Variants in ANGPTL2 observed in about 807,000 individuals in gnomAD.
ANGPTL2 encodes angiopoietin-related protein 2.
In ANGPTL2, 25 loss-of-function variants were observed where a neutral mutation model predicts 52.8. The ratio of observed to expected loss-of-function variants is 0.47; its 90% CI spans 0.35 to 0.66. The LOEUF (loss-of-function observed/expected upper bound fraction) is 0.66. Ranked by LOEUF, ANGPTL2 falls within the 30% of genes least tolerant of loss-of-function variation. The pLI, the probability that ANGPTL2 is intolerant of heterozygous loss-of-function variation, is 0.01. For missense variants in ANGPTL2, 546 were observed against 656.9 expected, an observed-to-expected ratio of 0.83 and a Z score of 1.84; for synonymous variants, 276 against 277.4, an observed-to-expected ratio of 1.00 and a Z score of 0.05.
chr9:127,092,050 G>A, intron 3 of ANGPTL2, 110 bp from the exon 4 acceptor site: 1 of 1,364,158 alleles, frequency 7.3e-7, no homozygotes. Context: ...AACAAGCAGA[G>A]CATGAAGCAG....
chr9:127,094,303 C>T (rs963750531), intron 2 of ANGPTL2, among the ~76,000 whole-genome samples: 2 of 152,072 alleles, frequency 1.3e-5, no homozygotes, highest in Non-Finnish European at 1.5e-5. Context: ...TGATCTTTTT[C>T]GTGTTCATTA....
Position 127,108,390 on chromosome 9 carries a change from G to A in ANGPTL2, c.342C>T (p.Gly114=), listed in dbSNP as rs201208688. Residue 114 remains glycine (G), a synonymous_variant, in exon 2 of 5, where the codon GGC becomes GGT. Transcript: ENST00000373425. The part of the protein sequence containing the change: ...ETLQQLVEVD[G]GIVSEVKLLR... ...GCAGCTTCACCTCGCTCACAATGCC[G>A]CCGTCCACCTCCACCAGCTGCTGCA... The A allele has an allele frequency of 1.3e-5, 21 of 1,608,778 alleles. No homozygotes were observed. Among genetic ancestry groups the A allele is most frequent in the South Asian group, 1.1e-4 (10 of 90,844 alleles).
chr9:127,121,481 C>T (rs1222066058), intron 1 of ANGPTL2, among the ~76,000 whole-genome samples: 2 of 152,218 alleles, frequency 1.3e-5, no homozygotes, highest in East Asian at 1.9e-4. Context: ...ACTGAACTGG[C>T]CTCTGGGAGC....
chr9:127,107,800 T>G, intron 2 of ANGPTL2, 115 bp downstream of exon 2: 8 of 1,083,514 alleles, frequency 7.4e-6, no homozygotes, highest in Non-Finnish European at 7.9e-6. Context: ...GGATTGTGCA[T>G]GTCTTTGGCC....
chr9:127,101,686 T>A (rs955173934), intron 2 of ANGPTL2, among the ~76,000 whole-genome samples: 2 of 152,132 alleles, frequency 1.3e-5, no homozygotes, highest in Non-Finnish European at 2.9e-5. Flanking sequence ...GCCTGGACAG[T>A]TTGTAGTGGT....
rs557365776 is a variant in ANGPTL2 at position 127,089,250 on chromosome 9, C to T, written c.1283-112G>A. The T allele has an allele frequency of 3.4e-4, 396 of 1,165,390 alleles. 2 individuals carry two copies. Among genetic ancestry groups the T allele is most frequent in the Admixed American group, 5.5e-4 (28 of 51,308 alleles). 72.2% of individuals were successfully genotyped at this position (1,165,390 alleles called of 1,614,324 possible). On this transcript the variant is annotated intron_variant, in intron 4 of 4. Coordinates refer to ENST00000373425, the MANE Select transcript of ANGPTL2 (RefSeq NM_012098.3). ...CTCTGGGAGGCATCTGGAGCAAGAA[C>T]GCTTGAAAGGTGGACCCGTCTCCAT...
At chr9:127,121,690 C>A (rs1036399772) in intron 1 of ANGPTL2, among the ~76,000 whole-genome samples, 2 of 152,248 alleles carry the variant, frequency 1.3e-5, no homozygotes, top group Non-Finnish European at 2.9e-5. Context: ...TTGGCCACAT[C>A]CACTCAGTTG....
chr9:127,116,980 C>T (rs1480270318), intron 1 of ANGPTL2, among the ~76,000 whole-genome samples: 6 of 152,166 alleles, frequency 3.9e-5, no homozygotes, highest in Non-Finnish European at 8.8e-5. Context: ...TTTGGGTGCT[C>T]TCTCCCCTGC....
chr9:127,089,889 G>A lies in ANGPTL2; in HGVS notation c.1283-751C>T, dbSNP rs76879739. 7.5e-3 allele frequency among the ~76,000 whole-genome samples: 1,138 copies of A among 152,328 alleles called. 19 individuals are homozygous for A. The highest frequency in any genetic ancestry group is 0.026 in the African/African-American group (1,075 of 41,566). ...GCCAGCATTGCTCTTAGTGAAGGGG[G>A]GTCCCCACTTTCCTGACTGGGCCTG... On this transcript the variant is annotated intron_variant, in intron 4 of 4. Coordinates refer to ENST00000373425, the MANE Select transcript of ANGPTL2 (RefSeq NM_012098.3).
chr9:127,091,537 AGGG>A lies in ANGPTL2; in HGVS notation c.1282+130_1282+132del. On this transcript the variant is annotated intron_variant, in intron 4 of 4. Coordinates refer to ENST00000373425, the MANE Select transcript of ANGPTL2 (RefSeq NM_012098.3). This position sits in a 1 kb window ranked among gnomAD's most constrained non-coding sequence, Gnocchi z 4.3. ...GAAGGGACCCTCAGGGGGTGGTAACAGGGTCAGGCAGCTTGGCCCAGCTGCTTC... is the reference window on the plus strand; with the variant it reads ...GAAGGGACCCTCAGGGGGTGGTAACATCAGGCAGCTTGGCCCAGCTGCTTC... 1 of 1,258,040 alleles carries A rather than the reference AGGG, an allele frequency of 7.9e-7. No homozygotes were observed. The highest frequency in any genetic ancestry group is 1.5e-5 in the South Asian group (1 of 68,962). 77.9% of individuals were successfully genotyped at this position (1,258,040 alleles called of 1,614,324 possible). A position where few individuals can be genotyped will look rare whatever the true frequency, so the allele number is the denominator to read the frequency against.
In ANGPTL2 at chr9:127,093,872, A is replaced by G; in HGVS notation, c.872T>C (p.Ile291Thr). The change falls in exon 3 of 5, where the codon ATC becomes ACC. Residue 291 changes from isoleucine to threonine, a missense_variant. By Grantham distance (89) the Ile-to-Thr change is moderately conservative (BLOSUM62 -1). Coordinates refer to ENST00000373425, the MANE Select transcript of ANGPTL2 (RefSeq NM_012098.3). ...ALEDGHDTSS[I>T]YLVKPENTNR... is the part of the protein sequence containing the mutation. Reference sequence around the variant, plus strand: ...GGTGTTCTCCGGCTTCACCAGGTAGATGGAGCTGGTGTCGTGGCCATCCTC... The same window carrying G: ...GGTGTTCTCCGGCTTCACCAGGTAGGTGGAGCTGGTGTCGTGGCCATCCTC... 6.2e-7 allele frequency: 1 copy of G among 1,614,072 alleles called. No homozygotes were observed. The highest frequency in any genetic ancestry group is 8.5e-7 in the Non-Finnish European group (1 of 1,180,008).
chr9:127,101,115 T>A (rs2136824222), intron 2 of ANGPTL2, among the ~76,000 whole-genome samples: 1 of 152,236 alleles, frequency 6.6e-6, no homozygotes, highest in East Asian at 1.9e-4. Context: ...CCAGGAAAGC[T>A]ACTTTATCCT....
Position 127,115,962 on chromosome 9 carries a change from A to G in ANGPTL2, c.-50+6353T>C, listed in dbSNP as rs189627613. Among the ~76,000 whole-genome samples, 323 of 152,286 alleles carry G rather than the reference A, an allele frequency of 2.1e-3. 2 individuals carry two copies. Among genetic ancestry groups the G allele is most frequent in the Non-Finnish European group, 3.0e-3 (207 of 68,012 alleles). The stretch of plus-strand genomic sequence containing the variant: ...CCCTCCCCTCCTGGCTGAGGATGCT[A>G]TGAATGATTCCCCACCAGAAGGCAC... On this transcript the variant is annotated intron_variant, in intron 1 of 4. Transcript: ENST00000373425.
At chr9:127,103,994 C>T (rs542805156) in intron 2 of ANGPTL2, among the ~76,000 whole-genome samples, 12 of 152,296 alleles carry the variant, frequency 7.9e-5, no homozygotes, top group African/African-American at 2.4e-4. Flanking sequence ...CTCTATGAAC[C>T]TCAATATCCT....
At chr9:127,103,714 TCTAC>T (rs1331106402) in intron 2 of ANGPTL2, among the ~76,000 whole-genome samples, 5 of 152,154 alleles carry the variant, frequency 3.3e-5, no homozygotes, top group Non-Finnish European at 7.3e-5. Context: ...TAATAACAAA[TCTAC>T]CACCTTTGTT....
chr9:127,095,269 G>A (rs187386175), intron 2 of ANGPTL2, among the ~76,000 whole-genome samples: 36 of 152,222 alleles, frequency 2.4e-4, no homozygotes, highest in East Asian at 3.9e-4. Flanking sequence ...GTGGTGGCAC[G>A]CACCTGTGAT....
At chr9:127,098,867 G>A (rs1318892275) in intron 2 of ANGPTL2, among the ~76,000 whole-genome samples, 1 of 152,240 alleles carries the variant, frequency 6.6e-6, no homozygotes, top group African/African-American at 2.4e-5. Context: ...CTGTGGGTCT[G>A]GGGCAGACCA....
rs2056194776 is a variant in ANGPTL2 at position 127,122,285 on chromosome 9, CCTCT to C, written c.-50+26_-50+29del. ...GGCCAGCGGCTGCCTCTCGCCCCTG[CCTCT>C]CATGGCCGCAGAGCTGGCCCCTTAC... On this transcript the variant is annotated intron_variant, in intron 1 of 4. Transcript: ENST00000373425. This position sits in a 1 kb window ranked among gnomAD's most constrained non-coding sequence, Gnocchi z 6.4. 6.6e-6 allele frequency: 1 copy of C among 152,374 alleles called. No individual in the cohort carries two copies. Among genetic ancestry groups the C allele is most frequent in the Admixed American group, 6.5e-5 (1 of 15,288 alleles). The allele number at this position is 152,374 out of a possible 1,614,324, so 9.4% of individuals were successfully genotyped here.
rs115944063 is a variant in ANGPTL2 at position 127,097,456 on chromosome 9, A to G, written c.818-3530T>C. Among the ~76,000 whole-genome samples, 508 of 152,356 alleles carry G rather than the reference A, an allele frequency of 3.3e-3. 8 individuals carry two copies. The highest frequency in any genetic ancestry group is 0.012 in the African/African-American group (485 of 41,570). ...CATCAAAAACACAAATTCAAACACA[A>G]TTTCCCTTAGAACCCTTAGTAGACC... On this transcript the variant is annotated intron_variant, in intron 2 of 4. Coordinates refer to ENST00000373425, the MANE Select transcript of ANGPTL2 (RefSeq NM_012098.3).
Sources: allele counts gnomAD v4.1 joint callset (sites outside exome capture counted in the v4.1 genomes callset), GRCh38; gene constraint gnomAD v4.1.1; non-coding constraint Gnocchi (gnomAD v3.1); transcripts MANE v1.5; gene names NCBI Gene and HGNC (gene_info 2026-07-23, HGNC 2026-07-21).